The following SF3B1 variants were observed in gnomAD, a reference collection of about 807,000 sequenced individuals.
The protein encoded by SF3B1 is pre-mRNA processing 10.
SF3B1 carries 12 observed loss-of-function variants against 153.8 expected under a neutral mutation model. The observed-to-expected ratio is 0.08, with a 90% CI of 0.05 to 0.13. SF3B1 has a LOEUF of 0.13. Ranked by LOEUF, SF3B1 falls within the 10% of genes least tolerant of loss-of-function variation. SF3B1 has a pLI of 1.00. For synonymous variants in SF3B1, 498 were observed against 525.2 expected (o/e 0.95, Z 0.71); for missense variants, 513 against 1,606.1 (o/e 0.32, Z 11.63).
intron 1 of SF3B1, 38 bp downstream of exon 1, chr2:197,434,934 C>A (rs1293797722): frequency 6.2e-7 from 1 of 1,600,776 alleles, no homozygotes; most frequent in Non-Finnish European, 8.6e-7. Context: ...ATTAGGCTAG[C>A]AACGAAGAAA....
At chr2:197,397,145 C>T (rs2084883980) in intron 22 of SF3B1, among the ~76,000 whole-genome samples, 1 of 152,126 alleles carries the variant, frequency 6.6e-6, no homozygotes, top group African/African-American at 2.4e-5. Context: ...TCAGTTAAAT[C>T]CGTGGAGTAA....
chr2:197,405,624 A>T (rs2084981427), intron 9 of SF3B1, 152 bp from the exon 10 acceptor site: 1 of 626,742 alleles, frequency 1.6e-6, no homozygotes, highest in South Asian at 2.0e-5. Context: ...TCTTAATTAG[A>T]AACTTAAAAT....
At chr2:197,424,757 T>C (rs1353116584) in intron 1 of SF3B1, among the ~76,000 whole-genome samples, 1 of 152,238 alleles carries the variant, frequency 6.6e-6, no homozygotes, top group Non-Finnish European at 1.5e-5. Flanking sequence ...CATAGATGTA[T>C]AAAGAAATAG....
rs760875333 is a variant in SF3B1 at position 197,402,081 on chromosome 2, A to T, written c.2127T>A (p.Ile709=). 19 of 1,613,486 alleles carry T rather than the reference A, an allele frequency of 1.2e-5. No homozygotes were observed. The highest frequency in any genetic ancestry group is 6.6e-5 in the South Asian group (6 of 91,024). The part of the protein sequence containing the change: ...QKVRTISALA[I]AALAEAATPY... ...GAGTTGCTGCTTCAGCCAAGGCAGC[A>T]ATGGCCAAAGCACTGATGGTCCGAA... The change falls in exon 15 of 25, where the codon ATT becomes ATA. Residue 709 remains isoleucine (I), a synonymous_variant. Transcript: ENST00000335508. This position sits in a 1 kb window ranked among gnomAD's most constrained non-coding sequence, Gnocchi z 4.6.
intron 6 of SF3B1, among the ~76,000 whole-genome samples, chr2:197,412,476 C>T (rs1049434343): frequency 2.0e-5 from 3 of 151,490 alleles, no homozygotes; most frequent in Admixed American, 6.6e-5. Context: ...CTGCCTCAGC[C>T]TCCTGAGTAG....
chr2:197,430,688 T>C (rs1216990914), intron 1 of SF3B1, among the ~76,000 whole-genome samples: 1 of 152,146 alleles, frequency 6.6e-6, no homozygotes, highest in Non-Finnish European at 1.5e-5. Context: ...TCCTGACCTC[T>C]GGTGATCCAT....
Position 197,402,508 on chromosome 2 carries a change from T to G in SF3B1, c.2077+48A>C, listed in dbSNP as rs2105986299. On this transcript the variant is annotated intron_variant, in intron 14 of 24. Coordinates refer to ENST00000335508, the MANE Select transcript of SF3B1 (RefSeq NM_012433.4). The surrounding 1 kb of genome is among the most constrained non-coding windows in gnomAD (Gnocchi z 4.6). ...CAGTCTGGGCAACATAGTAAGACCC[T>G]GTCTCCTAAAGAAAAAAAAAAAAAG... 6.5e-7 allele frequency: 1 copy of G among 1,544,850 alleles called. No individual in the cohort carries two copies. The highest frequency in any genetic ancestry group is 8.8e-7 in the Non-Finnish European group (1 of 1,132,592).
chr2:197,413,949 G>T (rs2085109644), intron 6 of SF3B1, among the ~76,000 whole-genome samples: 1 of 152,082 alleles, frequency 6.6e-6, no homozygotes, highest in African/African-American at 2.4e-5. Flanking sequence ...TGGGATTACA[G>T]GTGCCCGCCA....
chr2:197,395,701 T>G (rs1194468548), intron 23 of SF3B1, among the ~76,000 whole-genome samples: 1 of 152,218 alleles, frequency 6.6e-6, no homozygotes, highest in Non-Finnish European at 1.5e-5. Context: ...AACAAAAAGC[T>G]AAAAAGATCA....
chr2:197,423,369 C>CAAAAA, intron 2 of SF3B1, among the ~76,000 whole-genome samples: 1 of 68,940 alleles, frequency 1.5e-5, no homozygotes, highest in East Asian at 4.7e-4. Context: ...GAGACTGTCT[C>CAAAAA]AAAAAAAAAA....
chr2:197,415,846 C>A (rs2085139481), intron 6 of SF3B1, among the ~76,000 whole-genome samples: 1 of 152,112 alleles, frequency 6.6e-6, no homozygotes, highest in African/African-American at 2.4e-5. Context: ...TGTCACCAGG[C>A]TGGAATGCAG....
At position 197,390,576 on chromosome 2, in the gene SF3B1, C is replaced by A. The variant is rs1290111507; in HGVS notation, c.*1727G>T. The A allele has an allele frequency of 6.6e-6, 1 of 151,828 alleles. No homozygotes were observed. The highest frequency in any genetic ancestry group is 2.4e-5 in the African/African-American group (1 of 41,290). The allele number at this position is 151,828 out of a possible 1,614,324, so 9.4% of individuals were successfully genotyped here. On this transcript the variant is annotated 3_prime_UTR_variant, in exon 25 of 25. Transcript: ENST00000335508. The stretch of plus-strand genomic sequence containing the variant: ...AGGAGTTACAAATCCAACTTGGAAA[C>A]CCTTAATGCTCACTATCAATTTGTT...
intron 12 of SF3B1, 89 bp from the exon 13 acceptor site, chr2:197,403,124 T>C (rs2084952503): frequency 2.1e-6 from 2 of 961,456 alleles, no homozygotes; most frequent in African/African-American, 1.7e-5. Flanking sequence ...ATAAGAAATT[T>C]AGAATTATCA....
At chr2:197,418,370 G>T (rs934337724) in intron 5 of SF3B1, 139 bp downstream of exon 5, 2 of 564,130 alleles carry the variant, frequency 3.5e-6, no homozygotes, top group Non-Finnish European at 5.9e-6. Flanking sequence ...TAATTTGGGG[G>T]TAAGATTCTT....
At chr2:197,393,373 G>A (rs769756149) in intron 23 of SF3B1, 185 bp from the exon 24 acceptor site, 142 of 577,722 alleles carry the variant, frequency 2.5e-4, no homozygotes, top group Admixed American at 3.6e-4. Flanking sequence ...ATATCCTTTA[G>A]AATAGCTTCC....
chr2:197,401,656 T>A lies in SF3B1; in HGVS notation c.2370+86A>T. The A allele has an allele frequency of 6.7e-7, 1 of 1,491,830 alleles. No homozygotes were observed. The highest frequency in any genetic ancestry group is 1.2e-5 in the South Asian group (1 of 81,472). The allele number at this position is 1,491,830 out of a possible 1,614,324, so 92.4% of individuals were successfully genotyped here. ...ACAGTATTCGTGTAACATACAGTTTTTTTTGTTGATTTTTAAAAACACTTT... is the reference window on the plus strand; with the variant it reads ...ACAGTATTCGTGTAACATACAGTTTATTTTGTTGATTTTTAAAAACACTTT... On this transcript the variant is annotated intron_variant, in intron 16 of 24. Coordinates refer to ENST00000335508, the MANE Select transcript of SF3B1 (RefSeq NM_012433.4). The surrounding 1 kb of genome is among the most constrained non-coding windows in gnomAD (Gnocchi z 4.2).
intron 1 of SF3B1, among the ~76,000 whole-genome samples, chr2:197,430,031 A>T (rs946936423): frequency 1.3e-5 from 2 of 152,206 alleles, no homozygotes; most frequent in South Asian, 4.1e-4. Context: ...GTGCAAGGAA[A>T]AAGAAAGAGA....
intron 1 of SF3B1, among the ~76,000 whole-genome samples, chr2:197,430,618 TA>T (rs1273998343): frequency 6.6e-6 from 1 of 152,178 alleles, no homozygotes; most frequent in Admixed American, 6.6e-5. Context: ...CAAACCCAGC[TA>T]ATTTTTTTAT....
At chr2:197,431,957 TA>T (rs200785205) in intron 1 of SF3B1, among the ~76,000 whole-genome samples, 2 of 150,984 alleles carry the variant, frequency 1.3e-5, no homozygotes, top group African/African-American at 4.9e-5. Flanking sequence ...ACCCCATCTC[TA>T]AAAAAAAATT....
Sources: allele counts gnomAD v4.1 joint callset (sites outside exome capture counted in the v4.1 genomes callset), GRCh38; gene constraint gnomAD v4.1.1; non-coding constraint Gnocchi (gnomAD v3.1); transcripts MANE v1.5; gene names NCBI Gene and HGNC (gene_info 2026-07-23, HGNC 2026-07-21).